ABHD16A: variants seen among roughly 807,000 people sequenced by gnomAD.
ABHD16A encodes the protein phosphatidylserine lipase ABHD16A.
In ABHD16A, 47 loss-of-function variants were observed where a neutral mutation model predicts 89.8. The ratio of observed to expected loss-of-function variants is 0.52; its 90% confidence interval spans 0.41 to 0.67. ABHD16A has a LOEUF of 0.67. ABHD16A is among the 30% of genes least tolerant of loss of function. The pLI, the probability that ABHD16A is intolerant of heterozygous loss-of-function variation, is 0.00. For missense variants in ABHD16A, 580 were observed against 734.6 expected (o/e 0.79, Z 2.43); for synonymous variants, 251 against 280.4 (o/e 0.90, Z 1.05).
chr6:31,688,575 G>A lies in ABHD16A; in HGVS notation c.1250+148C>T, dbSNP rs1340737039. The A allele has an allele frequency of 1.3e-5, 13 of 998,532 alleles. No homozygotes were observed. The highest frequency in any genetic ancestry group is 1.9e-5 in the Non-Finnish European group (13 of 673,492). The allele number at this position is 998,532 out of a possible 1,614,324, so 61.9% of individuals were successfully genotyped here. A position where few individuals can be genotyped will look rare whatever the true frequency, so the allele number is the denominator to read the frequency against. ...GTCCCAGGGGACCTGGGAGGGGTTA[G>A]GCCAGTTGAGGTGGTGGCAGGGTCA... On this transcript the variant is annotated intron_variant, in intron 14 of 19. Transcript: ENST00000395952. The surrounding 1 kb of genome is among the most constrained non-coding windows in gnomAD (Gnocchi z 4.9).
rs17852989 is a variant in ABHD16A, at chr6:31,691,884, G to A, written c.661C>T (p.Leu221=). The change falls in exon 8 of 20, where the codon CTG becomes TTG. Residue 221 remains leucine, a synonymous_variant. Transcript: ENST00000395952. ...LVAHTLGRRM[L]YPGSVYLLQK... is the part of the protein sequence containing the mutation. ...AGCAGGTACACAGAGCCTGGATACAGCATCCGGCGCCCTAGGGTGTGCGCC... is the reference window on the plus strand; with the variant it reads ...AGCAGGTACACAGAGCCTGGATACAACATCCGGCGCCCTAGGGTGTGCGCC... 1 of 1,611,050 alleles carries A rather than the reference G, an allele frequency of 6.2e-7. No individual in the cohort carries two copies. Among genetic ancestry groups the A allele is most frequent in the South Asian group, 1.1e-5 (1 of 90,834 alleles).
intron 1 of ABHD16A, among the ~76,000 whole-genome samples, 191 bp from the exon 2 acceptor site, chr6:31,702,321 G>A (rs987480380): frequency 6.6e-6 from 1 of 152,100 alleles, no homozygotes; most frequent in Non-Finnish European, 1.5e-5. Context: ...CTGACCATGG[G>A]AACAAACACA....
rs1214168564 is a variant in ABHD16A, at chr6:31,696,940, C to A, written c.429+8G>T. 3 of 1,611,798 alleles carry A rather than the reference C, an allele frequency of 1.9e-6. No individual in the cohort carries two copies. Among genetic ancestry groups the A allele is most frequent in the Non-Finnish European group, 2.5e-6 (3 of 1,178,888 alleles). On this transcript the variant is annotated splice_region_variant and intron_variant, in intron 5 of 19. Transcript: ENST00000395952. ...TGCCTGTGTGGCACTTTTCCTAGGG[C>A]CTCTCACCTTGTTTTCTGAAGACTG...
In ABHD16A at chr6:31,693,394, C is replaced by A; in HGVS notation, c.468G>T (p.Trp156Cys). ...GTTCTTCCCAGTGGAAGTCGACTGG[C>A]CAGCTCCGGAAGTCAAAGTTGTAGT... ...LANYNFDFRS[W>C]PVDFHWEEPS... Residue 156 changes from tryptophan (W) to cysteine (C), a missense_variant, in exon 6 of 20, where the codon TGG becomes TGT. Transcript: ENST00000395952. This position sits in a 1 kb window ranked among gnomAD's most constrained non-coding sequence, Gnocchi z 5.0. 1.2e-6 allele frequency: 2 copies of A among 1,613,018 alleles called. No individual in the cohort carries two copies. The highest frequency in any genetic ancestry group is 1.7e-6 in the Non-Finnish European group (2 of 1,180,016).
In ABHD16A at chr6:31,700,990, A is replaced by G; in HGVS notation, c.295T>C (p.Tyr99His). ...AGAAGTAGCAGCAATGTCCCAGCAT[A>G]GTGAGAAAACGGCACCACTTTGGAC... Reference protein sequence around the residue: ...SLSKVVPFSHYAGTLLLLLAG... With the variant: ...SLSKVVPFSHHAGTLLLLLAG... Residue 99 changes from tyrosine to histidine, a missense_variant, in exon 4 of 20, where the codon TAT (tyrosine) becomes CAT (histidine). Coordinates refer to ENST00000395952, the MANE Select transcript of ABHD16A (RefSeq NM_021160.3). 1 of 1,614,002 alleles carries G rather than the reference A, an allele frequency of 6.2e-7. No individual in the cohort carries two copies. The highest frequency in any genetic ancestry group is 8.5e-7 in the Non-Finnish European group (1 of 1,179,986).
In ABHD16A at chr6:31,693,269, C is replaced by T; in HGVS notation, c.503+90G>A. 6.3e-7 allele frequency: 1 copy of T among 1,589,808 alleles called. No homozygotes were observed. Among genetic ancestry groups the T allele is most frequent in the Non-Finnish European group, 8.6e-7 (1 of 1,162,050 alleles). On this transcript the variant is annotated intron_variant, in intron 6 of 19. Coordinates refer to ENST00000395952, the MANE Select transcript of ABHD16A (RefSeq NM_021160.3). This position sits in a 1 kb window ranked among gnomAD's most constrained non-coding sequence, Gnocchi z 5.0. ...TGGCATTGGAAGGCAGGCACTGTGA[C>T]CTGAGAGGGCATGGAGGTGGGAGGG...
rs528488538 is a variant in ABHD16A at position 31,699,886 on chromosome 6, G to A, written c.343+1056C>T. On this transcript the variant is annotated intron_variant, in intron 4 of 19. Transcript: ENST00000395952. Reference sequence around the variant, plus strand: ...AGCCTCCCGAATAGCTGGGATTACAGGTGCTCACCACCATACCTGGCTAAT... The same window carrying A: ...AGCCTCCCGAATAGCTGGGATTACAAGTGCTCACCACCATACCTGGCTAAT... Among the ~76,000 whole-genome samples the A allele has an allele frequency of 1.2e-3, 185 of 152,112 alleles. 1 individual carries two copies. The Middle Eastern group carries it at 0.02, about 17-fold the overall frequency.
intron 5 of ABHD16A, among the ~76,000 whole-genome samples, chr6:31,696,402 G>A (rs1804399910): frequency 6.6e-6 from 1 of 151,792 alleles, no homozygotes; most frequent in African/African-American, 2.4e-5. Flanking sequence ...GGAGGCTGGG[G>A]CAGGCAGATC....
In ABHD16A at chr6:31,689,542, G is replaced by C. The variant is rs750116229; in HGVS notation, c.1081+39C>G. ...CTCCCGGGTGGGGCTGGGTGGTCAT[G>C]AATGTGTCTACAGTGGGGGATGGGA... On this transcript the variant is annotated intron_variant, in intron 12 of 19. Coordinates refer to ENST00000395952, the MANE Select transcript of ABHD16A (RefSeq NM_021160.3). The C allele has an allele frequency of 2.6e-6, 4 of 1,530,056 alleles. No homozygotes were observed. In the African/African-American group the frequency reaches 5.5e-5, roughly 21 times the overall value. The allele number at this position is 1,530,056 out of a possible 1,614,324, so 94.8% of individuals were successfully genotyped here. A position where few individuals can be genotyped will look rare whatever the true frequency, so the allele number is the denominator to read the frequency against.
At chr6:31,700,851 C>G (rs1804905469) in intron 4 of ABHD16A, 91 bp downstream of exon 4, 1 of 1,014,062 alleles carries the variant, frequency 9.9e-7, no homozygotes, top group Non-Finnish European at 1.5e-6. Flanking sequence ...CTCTCGGAGG[C>G]CCATCACTAA....
chr6:31,687,388 C>A lies in ABHD16A; in HGVS notation c.1594-93G>T. ...CCCCACCCTCCACTTCCGCATCCAC[C>A]ACCCACTCTACAAAAGCTGCCACTT... On this transcript the variant is annotated intron_variant, in intron 19 of 19. Coordinates refer to ENST00000395952, the MANE Select transcript of ABHD16A (RefSeq NM_021160.3). This position sits in a 1 kb window ranked among gnomAD's most constrained non-coding sequence, Gnocchi z 6.3. The A allele has an allele frequency of 6.3e-7, 1 of 1,599,464 alleles. No individual in the cohort carries two copies.
chr6:31,703,150 C>A lies in ABHD16A; in HGVS notation c.132G>T (p.Trp44Cys). The change falls in exon 1 of 20, where the codon TGG (tryptophan) becomes TGT (cysteine). Residue 44 changes from tryptophan to cysteine, a missense_variant and splice_region_variant. Physicochemically the swap from Trp to Cys is radical, Grantham distance 215. Transcript: ENST00000395952. ...TAVTAPHSSS[W>C]DTYYQPRALE... The stretch of plus-strand genomic sequence containing the variant: ...TTCGGTGGGGAGGAACTCGACTCAC[C>A]CAGGAGCTGGAATGGGGGGCAGTGA... 7.0e-7 allele frequency: 1 copy of A among 1,424,554 alleles called. No individual in the cohort carries two copies. Among genetic ancestry groups the A allele is most frequent in the Admixed American group, 2.7e-5 (1 of 36,832 alleles). The allele number at this position is 1,424,554 out of a possible 1,614,324, so 88.2% of individuals were successfully genotyped here. A position where few individuals can be genotyped will look rare whatever the true frequency, so the allele number is the denominator to read the frequency against.
Position 31,698,386 on chromosome 6 carries a change from C to A in ABHD16A, c.344-1353G>T, listed in dbSNP as rs1371266748. 1.3e-5 allele frequency among the ~76,000 whole-genome samples: 2 copies of A among 151,284 alleles called. No homozygotes were observed. Among genetic ancestry groups the A allele is most frequent in the African/African-American group, 4.9e-5 (2 of 41,104 alleles). On this transcript the variant is annotated intron_variant, in intron 4 of 19. Transcript: ENST00000395952. The surrounding 1 kb of genome is among the most constrained non-coding windows in gnomAD (Gnocchi z 4.1). ...TTTTGTTGACAGAAAGCATTTAAAG[C>A]AAATATCACAAAACTATATATAAAA... is the stretch of plus-strand genomic sequence containing the variant.
At position 31,687,026 on chromosome 6, in the gene ABHD16A, G is replaced by A. The variant is rs548244463; in HGVS notation, c.*186C>T. ...TTCATGTAATGCAGGATGTATGTTG[G>A]AGAAGGTTAAGTACAGCCACATGAA... On this transcript the variant is annotated 3_prime_UTR_variant, in exon 20 of 20. Coordinates refer to ENST00000395952, the MANE Select transcript of ABHD16A (RefSeq NM_021160.3). This position sits in a 1 kb window ranked among gnomAD's most constrained non-coding sequence, Gnocchi z 6.3. 5.9e-5 allele frequency: 36 copies of A among 605,610 alleles called. No individual in the cohort carries two copies. Among genetic ancestry groups the A allele is most frequent in the Non-Finnish European group, 9.8e-5 (33 of 337,076 alleles). The allele number at this position is 605,610 out of a possible 1,614,324, so 37.5% of individuals were successfully genotyped here.
chr6:31,693,472 AG>A lies in ABHD16A; in HGVS notation c.430-41del, dbSNP rs1356424935. 8 of 1,600,646 alleles carry A rather than the reference AG, an allele frequency of 5.0e-6. No individual in the cohort carries two copies. In the Middle Eastern group the frequency reaches 5.0e-4, roughly 99 times the overall value. On this transcript the variant is annotated intron_variant, in intron 5 of 19. Coordinates refer to ENST00000395952, the MANE Select transcript of ABHD16A (RefSeq NM_021160.3). The surrounding 1 kb of genome is among the most constrained non-coding windows in gnomAD (Gnocchi z 5.0). ...AGAGGCAAAGGGGTACTGAGAACTCAGGGGAGGCTCTCCTACCCACCCTCAA... is the reference window on the plus strand; with the variant it reads ...AGAGGCAAAGGGGTACTGAGAACTCAGGGAGGCTCTCCTACCCACCCTCAA...
chr6:31,702,877 C>A (rs1436684271), intron 1 of ABHD16A: 1 of 1,338,410 alleles, frequency 7.5e-7, no homozygotes. Context: ...GGGACCGGCA[C>A]GAACCACGAC....
Position 31,687,642 on chromosome 6 carries a change from C to A in ABHD16A, c.1546G>T (p.Gly516Trp). ...EHGPDFPWSV[G>W]EDMSADGRRQ... ...CTCTCCTGCCCCAGGAGCTCCTTAC[C>A]CACGCTCCAGGGGAAGTCGGGCCCG... The change falls in exon 18 of 20, where the codon GGG becomes TGG. Residue 516 changes from glycine to tryptophan, a missense_variant and splice_region_variant. Around this residue, in one of 2 missense-constraint regions of ABHD16A, gnomAD observed 415 missense variants for 568.8 expected, o/e 0.73. Coordinates refer to ENST00000395952, the MANE Select transcript of ABHD16A (RefSeq NM_021160.3). This position sits in a 1 kb window ranked among gnomAD's most constrained non-coding sequence, Gnocchi z 6.3. The A allele has an allele frequency of 6.2e-7, 1 of 1,612,932 alleles. No individual in the cohort carries two copies. Among genetic ancestry groups the A allele is most frequent in the Non-Finnish European group, 8.5e-7 (1 of 1,179,954 alleles).
At chr6:31,696,021 G>A (rs983426759) in intron 5 of ABHD16A, among the ~76,000 whole-genome samples, 5 of 152,068 alleles carry the variant, frequency 3.3e-5, no homozygotes, top group African/African-American at 4.8e-5. Context: ...AAAATTAGCC[G>A]GGCGTGGTGG....
chr6:31,702,689 C>A (rs2151261666), intron 1 of ABHD16A: 11 of 1,545,036 alleles, frequency 7.1e-6, no homozygotes, highest in Non-Finnish European at 8.7e-6. Context: ...GGAGGACCGA[C>A]GGATACAGGA....
Sources: gnomAD v4.1 joint callset for allele counts (sites outside exome capture counted in the v4.1 genomes callset) on GRCh38, gnomAD v4.1.1 for gene constraint, gnomAD v4.1.1 regional missense constraint, Gnocchi (gnomAD v3.1) non-coding constraint, MANE v1.5 for transcripts, NCBI Gene and HGNC (gene_info 2026-07-23, HGNC 2026-07-21) for gene names.